The following SCFD2 variants were observed in gnomAD, a reference collection of about 807,000 sequenced individuals.
SCFD2 encodes sec1 family domain containing 2.
Under a neutral mutation model 58.9 loss-of-function variants are expected in SCFD2, and 54 were observed. That is an observed-to-expected ratio of 0.92 (90% CI 0.74 to 1.15). SCFD2 has a LOEUF of 1.15. Ranked by LOEUF, SCFD2 falls within the 50% of genes most tolerant of loss-of-function variation. The pLI is 0.00. For missense variants in SCFD2, 805 were observed against 836.6 expected, an observed-to-expected ratio of 0.96 and a Z score of 0.47; for synonymous variants, 321 against 335.9, an observed-to-expected ratio of 0.96 and a Z score of 0.49.
At chr4:53,079,061 G>C (rs1034187902) in intron 5 of SCFD2, among the ~76,000 whole-genome samples, 2 of 152,148 alleles carry the variant, frequency 1.3e-5, no homozygotes, top group African/African-American at 4.8e-5. Flanking sequence ...GAGGTTGAGA[G>C]GTCCCATGAT....
intron 5 of SCFD2, among the ~76,000 whole-genome samples, chr4:53,063,803 T>A (rs1244488754): frequency 6.6e-6 from 1 of 152,172 alleles, no homozygotes; most frequent in Admixed American, 6.6e-5. Context: ...GATTAAAGTA[T>A]CCCTCTAGAA....
At chr4:53,322,801 A>T (rs1326577320) in intron 2 of SCFD2, among the ~76,000 whole-genome samples, 2 of 152,260 alleles carry the variant, frequency 1.3e-5, no homozygotes, top group African/African-American at 4.8e-5. Flanking sequence ...TCCAGTACAC[A>T]GATCAGCACT....
intron 5 of SCFD2, among the ~76,000 whole-genome samples, chr4:53,057,210 C>T (rs1351475925): frequency 6.6e-6 from 1 of 152,032 alleles, no homozygotes; most frequent in Non-Finnish European, 1.5e-5. Context: ...GCACTGCACA[C>T]ATATGTTTAT....
At chr4:52,942,090 T>C (rs1720308176) in intron 5 of SCFD2, among the ~76,000 whole-genome samples, 1 of 152,144 alleles carries the variant, frequency 6.6e-6, no homozygotes, top group Non-Finnish European at 1.5e-5. Context: ...ATGAAAATGG[T>C]ATACGAGAGG....
At chr4:53,012,836 G>GTGTGTGTGTGTTTT (rs1553914338) in intron 5 of SCFD2, among the ~76,000 whole-genome samples, 2 of 145,084 alleles carry the variant, frequency 1.4e-5, no homozygotes, top group South Asian at 2.2e-4. Flanking sequence ...GTGTGTGTGT[G>GTGTGTGTGTGTTTT]TTTTTTTTTA....
intron 5 of SCFD2, among the ~76,000 whole-genome samples, chr4:53,135,990 T>C (rs1725925243): frequency 6.6e-6 from 1 of 152,232 alleles, no homozygotes; most frequent in Non-Finnish European, 1.5e-5. Flanking sequence ...TTTTGATACC[T>C]GTTAATTGAA....
At chr4:53,124,951 C>T (rs2148894984) in intron 5 of SCFD2, among the ~76,000 whole-genome samples, 1 of 152,142 alleles carries the variant, frequency 6.6e-6, no homozygotes, top group South Asian at 2.1e-4. Flanking sequence ...CTATTATATC[C>T]CCATTTTAGA....
intron 5 of SCFD2, among the ~76,000 whole-genome samples, chr4:52,987,186 G>A (rs1172622550): frequency 5.9e-5 from 9 of 151,944 alleles, no homozygotes; most frequent in South Asian, 2.1e-4. Context: ...CGGCCACTGC[G>A]CCCAGCTAAT....
intron 5 of SCFD2, among the ~76,000 whole-genome samples, chr4:52,944,699 T>TA (rs1266261197): frequency 1.1e-4 from 16 of 152,220 alleles, no homozygotes; most frequent in Admixed American, 3.3e-4. Flanking sequence ...ACTTTTGAAT[T>TA]TAGTTTTAAA....
At chr4:52,931,522 T>C (rs1194984440) in intron 5 of SCFD2, among the ~76,000 whole-genome samples, 1 of 152,128 alleles carries the variant, frequency 6.6e-6, no homozygotes, top group Admixed American at 6.5e-5. Flanking sequence ...ACCACCCCCC[T>C]CCGCCTCCGG....
chr4:53,265,213 G>A lies in SCFD2; in HGVS notation c.1311+8613C>T, dbSNP rs138377942. Among the ~76,000 whole-genome samples the A allele has an allele frequency of 2.8e-3, 426 of 152,158 alleles. 3 individuals carry two copies. The highest frequency in any genetic ancestry group is 5.6e-3 in the Admixed American group (86 of 15,282). The stretch of plus-strand genomic sequence containing the variant: ...GAGGGGAAATCAGATGTTGGGCAGC[G>A]TTCAAGAATACATATTACTTTTCAG... On this transcript the variant is annotated intron_variant, in intron 4 of 8. Transcript: ENST00000401642.
chr4:53,140,082 G>A (rs962746459), intron 5 of SCFD2, among the ~76,000 whole-genome samples: 8 of 151,528 alleles, frequency 5.3e-5, no homozygotes, highest in Non-Finnish European at 1.2e-4. Context: ...AGGCGGCAGG[G>A]CCCTCTGCCT....
At chr4:52,937,050 G>GT (rs1720156278) in intron 5 of SCFD2, among the ~76,000 whole-genome samples, 1 of 152,220 alleles carries the variant, frequency 6.6e-6, no homozygotes, top group Non-Finnish European at 1.5e-5. Context: ...GATATTAGAG[G>GT]TAAGTGCTTA....
chr4:52,895,105 G>C (rs981473820), intron 7 of SCFD2, among the ~76,000 whole-genome samples: 9 of 152,054 alleles, frequency 5.9e-5, no homozygotes, highest in Non-Finnish European at 1.2e-4. Flanking sequence ...AACATATTTA[G>C]GTGGGGTACA....
At chr4:52,875,083 C>A (rs1265781403) in intron 8 of SCFD2, among the ~76,000 whole-genome samples, 2 of 152,186 alleles carry the variant, frequency 1.3e-5, no homozygotes, top group African/African-American at 4.8e-5. Flanking sequence ...GGCTCAGCAA[C>A]TTGTACAAGG....
At chr4:53,238,661 G>A (rs1417664415) in intron 4 of SCFD2, among the ~76,000 whole-genome samples, 2 of 151,736 alleles carry the variant, frequency 1.3e-5, no homozygotes, top group African/African-American at 4.8e-5. Flanking sequence ...GCCGGGCAGA[G>A]ATGCTCCTCA....
chr4:53,334,299 C>T (rs1733602012), intron 2 of SCFD2, among the ~76,000 whole-genome samples: 2 of 152,156 alleles, frequency 1.3e-5, no homozygotes, highest in African/African-American at 2.4e-5. Context: ...GACACAAGCA[C>T]ACGTATGTTT....
intron 4 of SCFD2, among the ~76,000 whole-genome samples, chr4:53,222,341 C>A (rs1729070964): frequency 6.6e-6 from 1 of 152,208 alleles, no homozygotes; most frequent in African/African-American, 2.4e-5. Flanking sequence ...TGTATGTGCT[C>A]TGACATTCTT....
At chr4:53,174,935 C>G (rs1196311555) in intron 4 of SCFD2, among the ~76,000 whole-genome samples, 3 of 126,872 alleles carry the variant, frequency 2.4e-5, no homozygotes, top group Non-Finnish European at 5.3e-5. Flanking sequence ...CCGTACAGCA[C>G]AGATGACTGT....
Sources: gnomAD v4.1 joint callset for allele counts (sites outside exome capture counted in the v4.1 genomes callset) on GRCh38, gnomAD v4.1.1 for gene constraint, MANE v1.5 for transcripts, NCBI Gene and HGNC (gene_info 2026-07-23, HGNC 2026-07-21) for gene names.